The following SLC16A10 variants were observed in gnomAD, a reference collection of about 807,000 sequenced individuals.
SLC16A10 encodes the protein solute carrier family 16 member 10.
SLC16A10 carries 27 observed loss-of-function variants against 40.0 expected under a neutral mutation model. The ratio of observed to expected loss-of-function variants is 0.67; its 90% confidence interval spans 0.50 to 0.93. The LOEUF (loss-of-function observed/expected upper bound fraction) is 0.93, where lower values mean the gene tolerates loss of function less well. SLC16A10 is among the 40% of genes least tolerant of loss of function. The probability of loss-of-function intolerance (pLI) is 0.00; values close to 1 mark genes in which losing one functional copy is unlikely to be tolerated. For synonymous variants in SLC16A10, 213 were observed against 249.8 expected (o/e 0.85, Z 1.39); for missense variants, 529 against 658.2 (o/e 0.80, Z 2.15).
intron 1 of SLC16A10, among the ~76,000 whole-genome samples, chr6:111,092,496 A>G (rs1324768695): frequency 1.3e-5 from 2 of 150,686 alleles, no homozygotes; most frequent in Non-Finnish European, 3.0e-5. Context: ...TTGTATTTTT[A>G]GTAGAGACAG....
intron 1 of SLC16A10, among the ~76,000 whole-genome samples, chr6:111,165,453 G>A (rs899349055): frequency 2.0e-5 from 3 of 152,200 alleles, no homozygotes; most frequent in African/African-American, 7.2e-5. Flanking sequence ...GGAAAACATA[G>A]AGGCCTTTTA....
intron 3 of SLC16A10, among the ~76,000 whole-genome samples, chr6:111,179,218 A>T (rs1462254244): frequency 1.3e-5 from 2 of 152,212 alleles, no homozygotes; most frequent in Non-Finnish European, 2.9e-5. Context: ...ACCAAAGGAA[A>T]AGTGGTAGAT....
chr6:111,222,094 C>A lies in SLC16A10; in HGVS notation c.1407C>A (p.Ile469=). 1 of 1,608,522 alleles carries A rather than the reference C, an allele frequency of 6.2e-7. No homozygotes were observed. Among genetic ancestry groups the A allele is most frequent in the South Asian group, 1.1e-5 (1 of 89,926 alleles). ...PLIGGAVLCF[I]PWIHSKKQRE... Reference sequence around the variant, plus strand: ...TTGGAGGTGCTGTGCTTTGTTTTATCCCGTGGATCCATAGTAAGAAGCAAA... The same window carrying A: ...TTGGAGGTGCTGTGCTTTGTTTTATACCGTGGATCCATAGTAAGAAGCAAA... Residue 469 remains isoleucine, a synonymous_variant, in exon 6 of 6, where the codon ATC becomes ATA. Transcript: ENST00000368851.
chr6:111,133,804 G>A (rs1771828286), intron 1 of SLC16A10, among the ~76,000 whole-genome samples: 1 of 152,006 alleles, frequency 6.6e-6, no homozygotes, highest in African/African-American at 2.4e-5. Flanking sequence ...ATGAACCAAA[G>A]AGTGCCAATA....
chr6:111,202,996 A>G (rs978911693), intron 3 of SLC16A10, among the ~76,000 whole-genome samples: 16 of 152,016 alleles, frequency 1.1e-4, no homozygotes, highest in African/African-American at 3.9e-4. Context: ...CAACTGCTCT[A>G]CAGCATAATA....
Position 111,222,095 on chromosome 6 carries a change from C to T in SLC16A10, c.1408C>T (p.Pro470Ser). The T allele has an allele frequency of 6.2e-7, 1 of 1,608,432 alleles. No homozygotes were observed. Among genetic ancestry groups the T allele is most frequent in the African/African-American group, 1.3e-5 (1 of 74,492 alleles). Residue 470 changes from proline (P) to serine (S), a missense_variant, in exon 6 of 6, where the codon CCG becomes TCG. By Grantham distance (74) the Pro-to-Ser change is moderately conservative. Coordinates refer to ENST00000368851, the MANE Select transcript of SLC16A10 (RefSeq NM_018593.5). The part of the protein sequence containing the change: ...LIGGAVLCFI[P>S]WIHSKKQREI... Reference sequence around the variant, plus strand: ...TGGAGGTGCTGTGCTTTGTTTTATCCCGTGGATCCATAGTAAGAAGCAAAG... The same window carrying T: ...TGGAGGTGCTGTGCTTTGTTTTATCTCGTGGATCCATAGTAAGAAGCAAAG...
In SLC16A10 at chr6:111,206,756, T is replaced by TC. The variant is rs1773261532; in HGVS notation, c.1086+25dup. On this transcript the variant is annotated intron_variant, in intron 4 of 5. Coordinates refer to ENST00000368851, the MANE Select transcript of SLC16A10 (RefSeq NM_018593.5). The stretch of plus-strand genomic sequence containing the variant: ...TACAGGTACTTTTTTACACCTTTTT[T>TC]CCCCTATCAAAAATTACTCTCATCA... The TC allele has an allele frequency of 1.5e-5, 24 of 1,605,086 alleles. No homozygotes were observed. In the East Asian group the frequency reaches 4.9e-4, roughly 33 times the overall value.
intron 1 of SLC16A10, among the ~76,000 whole-genome samples, chr6:111,170,954 A>G (rs1384350684): frequency 1.3e-5 from 2 of 151,958 alleles, no homozygotes; most frequent in East Asian, 3.9e-4. Flanking sequence ...CCTGGGCAAC[A>G]TGGCGAAACC....
intron 1 of SLC16A10, among the ~76,000 whole-genome samples, chr6:111,137,625 C>A (rs1583321987): frequency 2.0e-5 from 3 of 152,200 alleles, no homozygotes; most frequent in Non-Finnish European, 4.4e-5. Flanking sequence ...ATCAAAGGCA[C>A]CCCTCCCGAG....
chr6:111,103,863 CTG>C (rs973298982), intron 1 of SLC16A10, among the ~76,000 whole-genome samples: 37 of 152,278 alleles, frequency 2.4e-4, no homozygotes, highest in Admixed American at 9.8e-4. Context: ...AATGTTCTGA[CTG>C]TGGTTTACTA....
chr6:111,138,054 A>G (rs575885125), intron 1 of SLC16A10, among the ~76,000 whole-genome samples: 1 of 152,366 alleles, frequency 6.6e-6, no homozygotes, highest in South Asian at 2.1e-4. Flanking sequence ...TTTTCACTCT[A>G]TTAAATCTTG....
intron 1 of SLC16A10, among the ~76,000 whole-genome samples, chr6:111,164,497 C>T (rs183361628): frequency 2.6e-4 from 40 of 152,236 alleles, no homozygotes; most frequent in African/African-American, 9.6e-4. Context: ...TGGTGGCTCA[C>T]ACCTGTAATC....
chr6:111,208,467 A>G (rs1773290873), intron 4 of SLC16A10, among the ~76,000 whole-genome samples: 1 of 152,116 alleles, frequency 6.6e-6, no homozygotes, highest in Non-Finnish European at 1.5e-5. Flanking sequence ...AATCCCAGCT[A>G]CTCAGCAGGC....
At chr6:111,153,913 G>C (rs1772222377) in intron 1 of SLC16A10, among the ~76,000 whole-genome samples, 1 of 152,142 alleles carries the variant, frequency 6.6e-6, no homozygotes, top group Non-Finnish European at 1.5e-5. Flanking sequence ...CCACCCATAT[G>C]GTTTCTGCAG....
chr6:111,104,113 T>C (rs1000188881), intron 1 of SLC16A10, among the ~76,000 whole-genome samples: 2 of 152,176 alleles, frequency 1.3e-5, no homozygotes, highest in Non-Finnish European at 2.9e-5. Context: ...TCATAGACTA[T>C]AAGGCTGGCA....
intron 1 of SLC16A10, among the ~76,000 whole-genome samples, chr6:111,153,910 T>C (rs1016429704): frequency 1.3e-5 from 2 of 152,138 alleles, no homozygotes; most frequent in African/African-American, 4.8e-5. Context: ...CCACCACCCA[T>C]ATGGTTTCTG....
intron 1 of SLC16A10, among the ~76,000 whole-genome samples, chr6:111,161,589 G>A (rs1365286661): frequency 6.6e-6 from 1 of 152,072 alleles, no homozygotes; most frequent in Non-Finnish European, 1.5e-5. Context: ...TCCCTCAGAG[G>A]CCTATCTAAG....
intron 1 of SLC16A10, among the ~76,000 whole-genome samples, chr6:111,121,108 A>G (rs928378417): frequency 6.6e-6 from 1 of 152,242 alleles, no homozygotes; most frequent in Non-Finnish European, 1.5e-5. Context: ...ATACAATACA[A>G]CCAGCTTCTT....
chr6:111,205,622 A>G (rs1215211742), intron 3 of SLC16A10, among the ~76,000 whole-genome samples: 1 of 152,208 alleles, frequency 6.6e-6, no homozygotes, highest in Admixed American at 6.5e-5. Flanking sequence ...TCCAATTTCC[A>G]TTTTACAGAC....
Sources: gnomAD v4.1 joint callset for allele counts (sites outside exome capture counted in the v4.1 genomes callset) on GRCh38, gnomAD v4.1.1 for gene constraint, MANE v1.5 for transcripts, NCBI Gene and HGNC (gene_info 2026-07-23, HGNC 2026-07-21) for gene names.